Variants in L3MBTL3 observed in about 807,000 individuals in gnomAD.
The protein encoded by L3MBTL3 is L3MBTL histone methyl-lysine binding protein 3.
In L3MBTL3, 27 loss-of-function variants were observed where a neutral mutation model predicts 102.3. The ratio of observed to expected loss-of-function variants is 0.26; its 90% CI spans 0.19 to 0.36. The LOEUF is 0.36. Ranked by LOEUF, L3MBTL3 falls within the 10% of genes least tolerant of loss-of-function variation. The pLI is 1.00. For synonymous variants in L3MBTL3, 340 were observed against 320.9 expected, an observed-to-expected ratio of 1.06 and a Z score of -0.64; for missense variants, 798 against 955.3, an observed-to-expected ratio of 0.84 and a Z score of 2.17.
chr6:130,132,805 G>T (rs1787206993), intron 20 of L3MBTL3, among the ~76,000 whole-genome samples: 1 of 151,624 alleles, frequency 6.6e-6, no homozygotes, highest in East Asian at 1.9e-4. Flanking sequence ...ACCTTGTCTT[G>T]TTGCCCAGGC....
At chr6:130,104,692 A>G (rs921721824) in intron 19 of L3MBTL3, 117 bp downstream of exon 19, 7 of 684,118 alleles carry the variant, frequency 1.0e-5, no homozygotes, top group African/African-American at 1.9e-5. Context: ...TTGAAAATAC[A>G]CCTGACTTAA....
chr6:130,092,661 A>T, intron 16 of L3MBTL3, 84 bp from the exon 17 acceptor site: 1 of 761,106 alleles, frequency 1.3e-6, no homozygotes, highest in South Asian at 1.6e-5. Context: ...TGTTAGAATG[A>T]AAATGGTTAT....
At chr6:130,071,964 A>G (rs554083980) in intron 13 of L3MBTL3, among the ~76,000 whole-genome samples, 2 of 152,236 alleles carry the variant, frequency 1.3e-5, no homozygotes, top group Non-Finnish European at 2.9e-5. Context: ...TTCATTTGCT[A>G]TTCATATTTT....
At chr6:130,127,831 TA>T (rs1786717735) in intron 20 of L3MBTL3, among the ~76,000 whole-genome samples, 2 of 152,200 alleles carry the variant, frequency 1.3e-5, no homozygotes, top group African/African-American at 4.8e-5. Flanking sequence ...GTAGTTTATT[TA>T]ATACCTGCTG....
chr6:130,096,738 A>G (rs1784385292), intron 18 of L3MBTL3, among the ~76,000 whole-genome samples: 1 of 152,226 alleles, frequency 6.6e-6, no homozygotes, highest in African/African-American at 2.4e-5. Context: ...GGTTATATTT[A>G]GAGCATTTCT....
At chr6:130,086,379 C>A in intron 16 of L3MBTL3, 129 bp downstream of exon 16, 1 of 656,614 alleles carries the variant, frequency 1.5e-6, no homozygotes, top group Non-Finnish European at 2.7e-6. Flanking sequence ...AAATAATTGG[C>A]TGTGCATCTT....
intron 20 of L3MBTL3, among the ~76,000 whole-genome samples, chr6:130,129,842 G>A (rs1216859545): frequency 6.6e-6 from 1 of 152,130 alleles, no homozygotes; most frequent in Non-Finnish European, 1.5e-5. Context: ...CCACCTACTG[G>A]AGCCAGAGTC....
At chr6:130,074,304 G>A (rs1782818197) in intron 13 of L3MBTL3, among the ~76,000 whole-genome samples, 1 of 152,110 alleles carries the variant, frequency 6.6e-6, no homozygotes, top group Non-Finnish European at 1.5e-5. Context: ...ATTTATGTAG[G>A]ACTGAAAAAG....
chr6:130,060,876 C>A (rs2114900861), intron 10 of L3MBTL3, among the ~76,000 whole-genome samples: 1 of 151,908 alleles, frequency 6.6e-6, no homozygotes, highest in African/African-American at 2.4e-5. Flanking sequence ...TTTAAAAATT[C>A]CTCCCAAAAG....
chr6:130,053,647 CAAAA>C (rs1171788298), intron 7 of L3MBTL3, among the ~76,000 whole-genome samples: 1 of 144,188 alleles, frequency 6.9e-6, no homozygotes, highest in Admixed American at 7.1e-5. Context: ...AAAAAAAAAA[CAAAA>C]AAAACTATCT....
intron 2 of L3MBTL3, among the ~76,000 whole-genome samples, chr6:130,029,153 C>T (rs945066531): frequency 2.6e-5 from 4 of 152,192 alleles, no homozygotes; most frequent in African/African-American, 9.7e-5. Context: ...GATACAGTGT[C>T]ATAAGCATTA....
At chr6:130,065,150 A>C (rs1472164565) in intron 10 of L3MBTL3, among the ~76,000 whole-genome samples, 1 of 152,136 alleles carries the variant, frequency 6.6e-6, no homozygotes, top group Non-Finnish European at 1.5e-5. Flanking sequence ...TAATTGAAAA[A>C]ATGCTGATAC....
intron 20 of L3MBTL3, among the ~76,000 whole-genome samples, chr6:130,132,418 C>T (rs34597026): frequency 6.6e-6 from 1 of 152,092 alleles, no homozygotes; most frequent in Non-Finnish European, 1.5e-5. Flanking sequence ...GGTGTGTTCA[C>T]TTTGTGAAAA....
At chr6:130,034,410 G>T (rs1350128644) in intron 2 of L3MBTL3, among the ~76,000 whole-genome samples, 2 of 152,150 alleles carry the variant, frequency 1.3e-5, no homozygotes, top group Non-Finnish European at 2.9e-5. Context: ...CTTGATGACT[G>T]ATTTTTTTAC....
chr6:130,043,363 C>T (rs1175377430), intron 3 of L3MBTL3, among the ~76,000 whole-genome samples: 1 of 152,174 alleles, frequency 6.6e-6, no homozygotes, highest in Non-Finnish European at 1.5e-5. Flanking sequence ...GATGAGAACT[C>T]TTTGGAGAGC....
At chr6:130,024,214 A>G (rs1055286664) in intron 2 of L3MBTL3, among the ~76,000 whole-genome samples, 5 of 152,142 alleles carry the variant, frequency 3.3e-5, no homozygotes, top group Admixed American at 6.5e-5. Context: ...CCTCCGAATG[A>G]CTGAATTTAG....
rs888653324 is a variant in L3MBTL3, at chr6:130,139,883, A to G, written c.*130A>G. On this transcript the variant is annotated 3_prime_UTR_variant, in exon 23 of 23. Transcript: ENST00000361794. ...AAAGAGCAACACTATCGGATTATTT[A>G]TATTACTCAAGAGACAATATATATG... is the stretch of plus-strand genomic sequence containing the variant. 13 of 795,768 alleles carry G rather than the reference A, an allele frequency of 1.6e-5. No homozygotes were observed. Among genetic ancestry groups the G allele is most frequent in the South Asian group, 1.1e-4 (7 of 62,254 alleles). The allele number at this position is 795,768 out of a possible 1,614,324, so 49.3% of individuals were successfully genotyped here.
At chr6:130,091,493 CCAT>C (rs1230066898) in intron 16 of L3MBTL3, among the ~76,000 whole-genome samples, 17 of 152,120 alleles carry the variant, frequency 1.1e-4, no homozygotes, top group Non-Finnish European at 1.5e-5. Context: ...TTCCTAGTGA[CCAT>C]CACTAGAAGA....
At chr6:130,062,957 TCTCC>T (rs761618866) in intron 10 of L3MBTL3, among the ~76,000 whole-genome samples, 1 of 151,428 alleles carries the variant, frequency 6.6e-6, no homozygotes, top group Non-Finnish European at 1.5e-5. Context: ...CTCTTTTTTC[TCTCC>T]CTCCCTCCCT....
Sources: gnomAD v4.1 joint callset for allele counts (sites outside exome capture counted in the v4.1 genomes callset) on GRCh38, gnomAD v4.1.1 for gene constraint, MANE v1.5 for transcripts, NCBI Gene and HGNC (gene_info 2026-07-23, HGNC 2026-07-21) for gene names.